The following GALM variants were observed in gnomAD, a reference collection of about 807,000 sequenced individuals.
GALM encodes galactose mutarotase, also known as aldose 1-epimerase.
A neutral mutation model predicts 37.4 loss-of-function variants in GALM; 43 were observed. That is an observed-to-expected ratio of 1.15 (90% CI 0.90 to 1.48). The LOEUF (loss-of-function observed/expected upper bound fraction) is 1.48, where lower values mean the gene tolerates loss of function less well. GALM is among the 40% of genes most tolerant of loss of function. The pLI, the probability that GALM is intolerant of heterozygous loss-of-function variation, is 0.00. For synonymous variants in GALM, 199 were observed against 170.6 expected (o/e 1.17, Z -1.30); for missense variants, 456 against 419.1 (o/e 1.09, Z -0.77).
chr2:38,690,282 A>C (rs1477715389), intron 4 of GALM, among the ~76,000 whole-genome samples: 1 of 152,108 alleles, frequency 6.6e-6, no homozygotes, highest in African/African-American at 2.4e-5. Context: ...GATCAGCCTG[A>C]GCAACATGGT....
chr2:38,683,756 G>A (rs992168487), intron 3 of GALM, among the ~76,000 whole-genome samples: 3 of 152,100 alleles, frequency 2.0e-5, no homozygotes, highest in African/African-American at 7.2e-5. Flanking sequence ...TGGTAGAGAT[G>A]GGGTTTCACC....
At chr2:38,669,399 C>G (rs1665030340) in intron 1 of GALM, 1 of 152,288 alleles carries the variant, frequency 6.6e-6, no homozygotes, top group Non-Finnish European at 1.5e-5. Flanking sequence ...GACCCTCTCA[C>G]GCAGACCCCC....
At chr2:38,719,649 C>G (rs1342079286) in intron 4 of GALM, among the ~76,000 whole-genome samples, 1 of 150,948 alleles carries the variant, frequency 6.6e-6, no homozygotes, top group Non-Finnish European at 1.5e-5. Context: ...GTGGCGGGCA[C>G]CTATAATCTC....
Position 38,666,218 on chromosome 2 carries a change from G to A in GALM, c.57G>A (p.Val19=). 1 of 1,614,070 alleles carries A rather than the reference G, an allele frequency of 6.2e-7. No homozygotes were observed. The highest frequency in any genetic ancestry group is 8.5e-7 in the Non-Finnish European group (1 of 1,179,950). The part of the protein sequence containing the change: ...FGELPSGGGT[V]EKFQLQSDLL... The stretch of plus-strand genomic sequence containing the variant: ...AGCTGCCCTCGGGAGGAGGGACAGT[G>A]GAGAAGTTCCAGCTGCAGTCAGACC... The change falls in exon 1 of 7, where the codon GTG becomes GTA. Residue 19 remains valine (V), a synonymous_variant. Coordinates refer to ENST00000272252, the MANE Select transcript of GALM (RefSeq NM_138801.3).
In GALM at chr2:38,733,806, A is replaced by T; in HGVS notation, c.*241A>T. ...AGAGGGCAAGTGAACCCAACCAACA[A>T]TGTCGTCATCTAAGCCCTGACCCTA... On this transcript the variant is annotated 3_prime_UTR_variant, in exon 7 of 7. Transcript: ENST00000272252. The T allele has an allele frequency of 2.0e-6, 1 of 494,170 alleles. No individual in the cohort carries two copies. Among genetic ancestry groups the T allele is most frequent in the Non-Finnish European group, 3.7e-6 (1 of 269,690 alleles). The allele number at this position is 494,170 out of a possible 1,614,324, so 30.6% of individuals were successfully genotyped here. A position where few individuals can be genotyped will look rare whatever the true frequency, so the allele number is the denominator to read the frequency against.
intron 4 of GALM, among the ~76,000 whole-genome samples, chr2:38,701,133 A>G (rs574909273): frequency 9.8e-5 from 15 of 152,382 alleles, no homozygotes; most frequent in African/African-American, 3.1e-4. Flanking sequence ...CACCAGCTAG[A>G]TGTGAGCAGA....
chr2:38,715,142 G>A (rs988029790), intron 4 of GALM, among the ~76,000 whole-genome samples: 3 of 151,978 alleles, frequency 2.0e-5, no homozygotes, highest in Admixed American at 2.0e-4. Context: ...AACATTTTTT[G>A]TTTTAAAGTC....
At chr2:38,733,070 A>C (rs1390976893) in intron 6 of GALM, among the ~76,000 whole-genome samples, 2 of 151,754 alleles carry the variant, frequency 1.3e-5, no homozygotes, top group Non-Finnish European at 2.9e-5. Flanking sequence ...AAAATAAAAA[A>C]ATTATCTGGG....
intron 4 of GALM, among the ~76,000 whole-genome samples, chr2:38,713,044 G>A (rs13015907): frequency 0.81 from 122,528 of 152,016 alleles, 50,713 homozygotes; most frequent in East Asian, 0.93. Flanking sequence ...TCTGCCACCT[G>A]TCCCTAGTGC....
chr2:38,730,357 C>G (rs1164913356), intron 5 of GALM, among the ~76,000 whole-genome samples: 1 of 152,260 alleles, frequency 6.6e-6, no homozygotes, highest in South Asian at 2.1e-4. Flanking sequence ...ACCTCCGCCT[C>G]CCGGGTTCAA....
chr2:38,717,363 G>C (rs35182980), intron 4 of GALM, among the ~76,000 whole-genome samples: 1 of 150,216 alleles, frequency 6.7e-6, no homozygotes, highest in Non-Finnish European at 1.5e-5. Context: ...GAGAGTGAGA[G>C]AGTACACACA....
At chr2:38,711,908 T>A (rs1666180983) in intron 4 of GALM, among the ~76,000 whole-genome samples, 1 of 90,988 alleles carries the variant, frequency 1.1e-5, no homozygotes, top group Non-Finnish European at 2.3e-5. Flanking sequence ...TTTGCCTACA[T>A]TTACTGATTT....
chr2:38,722,052 C>CCCCCCCA (rs1666391057), intron 4 of GALM, among the ~76,000 whole-genome samples: 10 of 121,570 alleles, frequency 8.2e-5, no homozygotes, highest in Non-Finnish European at 1.1e-4. Context: ...CCCCCCCCCC[C>CCCCCCCA]ACCTAGAACA....
At chr2:38,732,391 C>A (rs904392994) in intron 6 of GALM, among the ~76,000 whole-genome samples, 1 of 152,196 alleles carries the variant, frequency 6.6e-6, no homozygotes, top group African/African-American at 2.4e-5. Flanking sequence ...CTGCAAGTCA[C>A]AGAAAACCCA....
At chr2:38,709,356 T>G (rs570509648) in intron 4 of GALM, among the ~76,000 whole-genome samples, 1 of 152,136 alleles carries the variant, frequency 6.6e-6, no homozygotes, top group Non-Finnish European at 1.5e-5. Flanking sequence ...GTCATCCTGA[T>G]GGATCTAAGA....
intron 2 of GALM, among the ~76,000 whole-genome samples, chr2:38,680,665 T>A (rs1191539213): frequency 6.6e-6 from 1 of 151,760 alleles, no homozygotes; most frequent in African/African-American, 2.4e-5. Context: ...TTTAATACTC[T>A]CAGCAGATAT....
At chr2:38,729,818 C>A (rs759639828) in intron 5 of GALM, 121 bp downstream of exon 5, 6 of 759,532 alleles carry the variant, frequency 7.9e-6, no homozygotes, top group Non-Finnish European at 1.3e-5. Context: ...GACCCAATAC[C>A]ACATCCCATA....
intron 4 of GALM, among the ~76,000 whole-genome samples, chr2:38,704,042 T>TAAAATA (rs565295551): frequency 3.3e-5 from 5 of 149,974 alleles, no homozygotes; most frequent in Admixed American, 6.6e-5. Flanking sequence ...AATAAATAAA[T>TAAAATA]AAATAAAATA....
chr2:38,716,214 G>A (rs1033562427), intron 4 of GALM, among the ~76,000 whole-genome samples: 2 of 152,240 alleles, frequency 1.3e-5, no homozygotes, highest in African/African-American at 4.8e-5. Context: ...GCTTCTGAAA[G>A]CTGTTGATTT....
Sources: gnomAD v4.1 joint callset for allele counts (sites outside exome capture counted in the v4.1 genomes callset) on GRCh38, gnomAD v4.1.1 for gene constraint, MANE v1.5 for transcripts, NCBI Gene and HGNC (gene_info 2026-07-23, HGNC 2026-07-21) for gene names.